LPP: variants seen among roughly 807,000 people sequenced by gnomAD.
LPP encodes LIM domain containing preferred translocation partner in lipoma, also known as lipoma-preferred partner.
Under a neutral mutation model 60.4 loss-of-function variants are expected in LPP, and 38 were observed. The ratio of observed to expected loss-of-function variants is 0.63; its 90% CI spans 0.49 to 0.83. The LOEUF (loss-of-function observed/expected upper bound fraction) is 0.83. Among genes scored for constraint, LPP ranks in the 40% least tolerant of loss-of-function variants. LPP has a pLI of 0.00. For synonymous variants in LPP, 328 were observed against 290.8 expected (o/e 1.13, Z -1.30); for missense variants, 902 against 783.6 (o/e 1.15, Z -1.80).
chr3:188,857,342 T>G (rs1764095863), intron 9 of LPP, among the ~76,000 whole-genome samples: 1 of 152,224 alleles, frequency 6.6e-6, no homozygotes, highest in Non-Finnish European at 1.5e-5. Context: ...GAGAAACTTG[T>G]TAATTGGAGG....
intron 7 of LPP, among the ~76,000 whole-genome samples, chr3:188,632,535 A>C (rs1447863455): frequency 6.6e-6 from 1 of 152,186 alleles, no homozygotes; most frequent in Non-Finnish European, 1.5e-5. Flanking sequence ...CAAATGTACT[A>C]AAAGAAACTC....
intron 6 of LPP, among the ~76,000 whole-genome samples, chr3:188,561,370 A>T (rs1830635565): frequency 6.6e-6 from 1 of 152,036 alleles, no homozygotes; most frequent in South Asian, 2.1e-4. Flanking sequence ...GTTACTGTAG[A>T]AGAAAATGCC....
At chr3:188,486,691 C>G (rs1258349109) in intron 5 of LPP, among the ~76,000 whole-genome samples, 4 of 152,090 alleles carry the variant, frequency 2.6e-5, no homozygotes, top group Non-Finnish European at 5.9e-5. Context: ...TTTCTGGAGT[C>G]TAGATCTTTT....
intron 7 of LPP, among the ~76,000 whole-genome samples, chr3:188,683,372 C>T (rs56116661): frequency 0.25 from 37,333 of 151,808 alleles, 5,473 homozygotes; most frequent in African/African-American, 0.4. Context: ...CCTATGTGCT[C>T]CTTTTACTGG....
At chr3:188,325,043 C>T (rs536392432) in intron 2 of LPP, among the ~76,000 whole-genome samples, 5 of 151,920 alleles carry the variant, frequency 3.3e-5, no homozygotes, top group South Asian at 4.2e-4. Flanking sequence ...TGCGATGGTG[C>T]GATCTCGGCT....
At position 188,517,983 on chromosome 3, in the gene LPP, C is replaced by T. The variant is rs115169624; in HGVS notation, c.307-6682C>T. ...TAGCACCTCTCCTCGCTCTCTCTTC[C>T]GCTCTCTCTCACCATATGACATGCT... is the stretch of plus-strand genomic sequence containing the variant. On this transcript the variant is annotated intron_variant, in intron 5 of 11. Coordinates refer to ENST00000617246, the MANE Select transcript of LPP (RefSeq NM_001375462.1). Among the ~76,000 whole-genome samples, 1,122 of 152,156 alleles carry T rather than the reference C, an allele frequency of 7.4e-3. 15 individuals are homozygous for T. Among genetic ancestry groups the T allele is most frequent in the African/African-American group, 0.025 (1,018 of 41,502 alleles).
At chr3:188,705,643 A>T (rs1279753968) in intron 7 of LPP, among the ~76,000 whole-genome samples, 1 of 151,978 alleles carries the variant, frequency 6.6e-6, no homozygotes, top group African/African-American at 2.4e-5. Flanking sequence ...GTGGGGGGAA[A>T]ATAGAATCTC....
At chr3:188,687,419 C>T (rs1024399028) in intron 7 of LPP, among the ~76,000 whole-genome samples, 2 of 152,228 alleles carry the variant, frequency 1.3e-5, no homozygotes, top group East Asian at 1.9e-4. Flanking sequence ...GTGATTGGAT[C>T]GTGGGGGCCC....
At chr3:188,716,338 C>A (rs927981649) in intron 8 of LPP, among the ~76,000 whole-genome samples, 3 of 152,168 alleles carry the variant, frequency 2.0e-5, no homozygotes, top group Admixed American at 6.5e-5. Context: ...GTTATGCCAG[C>A]TCATTGTATT....
intron 7 of LPP, among the ~76,000 whole-genome samples, chr3:188,668,286 C>G (rs1454956583): frequency 1.3e-5 from 2 of 152,044 alleles, no homozygotes; most frequent in Non-Finnish European, 2.9e-5. Flanking sequence ...GATTGAAGCT[C>G]TTATAATTTT....
intron 1 of LPP, among the ~76,000 whole-genome samples, chr3:188,181,278 G>A (rs546248318): frequency 6.6e-5 from 10 of 151,294 alleles, no homozygotes; most frequent in Non-Finnish European, 1.2e-4. Context: ...GCTTGAATCC[G>A]GGAGGCAGAG....
At chr3:188,212,229 T>C (rs889296358) in intron 1 of LPP, among the ~76,000 whole-genome samples, 6 of 152,146 alleles carry the variant, frequency 3.9e-5, no homozygotes, top group Non-Finnish European at 5.9e-5. Flanking sequence ...CCTTTTCAGG[T>C]GCATCTCCCA....
At chr3:188,813,537 T>G (rs558411559) in intron 9 of LPP, among the ~76,000 whole-genome samples, 13 of 152,330 alleles carry the variant, frequency 8.5e-5, no homozygotes, top group Middle Eastern at 6.8e-3. Flanking sequence ...TCACTACTCG[T>G]GTTTATTCAT....
At position 188,874,564 on chromosome 3, in the gene LPP, G is replaced by A. The variant is rs1323304195; in HGVS notation, c.*85G>A. On this transcript the variant is annotated 3_prime_UTR_variant, in exon 12 of 12. Coordinates refer to ENST00000617246, the MANE Select transcript of LPP (RefSeq NM_001375462.1). ...ACTAGAGTAAAGGCCATCAAACTAC[G>A]CGATAGTCTCTGTTCTTCATCTGCT... is the stretch of plus-strand genomic sequence containing the variant. 1.6e-5 allele frequency: 23 copies of A among 1,442,256 alleles called. 1 individual carries two copies. The highest frequency in any genetic ancestry group is 5.2e-5 in the South Asian group (4 of 77,084). The allele number at this position is 1,442,256 out of a possible 1,614,324, so 89.3% of individuals were successfully genotyped here.
At chr3:188,734,497 C>A (rs1464383982) in intron 8 of LPP, among the ~76,000 whole-genome samples, 1 of 152,206 alleles carries the variant, frequency 6.6e-6, no homozygotes, top group Non-Finnish European at 1.5e-5. Context: ...GGTTCCTGTA[C>A]ACTTTGGCAA....
Position 188,413,736 on chromosome 3 carries a change from C to G in LPP, c.193+7423C>G, listed in dbSNP as rs374726006. On this transcript the variant is annotated intron_variant, in intron 4 of 11. Coordinates refer to ENST00000617246, the MANE Select transcript of LPP (RefSeq NM_001375462.1). ...GTGACATCAGATCTTACCAAATATT[C>G]TTAGGCCTTATTGATGCTCAAAAGT... Among the ~76,000 whole-genome samples, 54 of 152,234 alleles carry G rather than the reference C, an allele frequency of 3.5e-4. 1 individual carries two copies. In the East Asian group the frequency reaches 8.7e-3, roughly 24 times the overall value.
At chr3:188,554,454 A>T (rs938767804) in intron 6 of LPP, among the ~76,000 whole-genome samples, 1 of 152,144 alleles carries the variant, frequency 6.6e-6, no homozygotes, top group African/African-American at 2.4e-5. Flanking sequence ...AACACTAGAG[A>T]TTTACAGTGA....
chr3:188,447,730 C>T (rs993517021), intron 4 of LPP, among the ~76,000 whole-genome samples: 6 of 150,794 alleles, frequency 4.0e-5, no homozygotes, highest in Admixed American at 2.6e-4. Context: ...GAGCCGAGAT[C>T]GCGCCATTGC....
intron 3 of LPP, among the ~76,000 whole-genome samples, chr3:188,348,196 G>T (rs1339253322): frequency 6.6e-6 from 1 of 151,742 alleles, no homozygotes; most frequent in Non-Finnish European, 1.5e-5. Flanking sequence ...GCTCAGGCTG[G>T]AGTGCACCGG....
Sources: allele counts gnomAD v4.1 joint callset (sites outside exome capture counted in the v4.1 genomes callset), GRCh38; gene constraint gnomAD v4.1.1; transcripts MANE v1.5; gene names NCBI Gene and HGNC (gene_info 2026-07-23, HGNC 2026-07-21).